Variants in STXBP4 observed in about 807,000 individuals in gnomAD.
The protein encoded by STXBP4 is syntaxin binding protein 4.
Under a neutral mutation model 76.1 loss-of-function variants are expected in STXBP4, and 55 were observed. That is an observed-to-expected ratio of 0.72 (90% CI 0.58 to 0.91). The LOEUF is 0.91. Among genes scored for constraint, STXBP4 ranks in the 40% least tolerant of loss-of-function variants. The pLI is 0.00. For synonymous variants in STXBP4, 201 were observed against 220.2 expected, an observed-to-expected ratio of 0.91 and a Z score of 0.77; for missense variants, 618 against 636.9, an observed-to-expected ratio of 0.97 and a Z score of 0.32.
chr17:54,990,003 A>T (rs1353071752), intron 3 of STXBP4, among the ~76,000 whole-genome samples: 1 of 152,358 alleles, frequency 6.6e-6, no homozygotes, highest in South Asian at 2.1e-4. Flanking sequence ...GAATTCTTCA[A>T]GTAGTCTAAT....
chr17:55,205,226 T>C, the STXBP4 span, among the ~76,000 whole-genome samples: 1 of 151,966 alleles, frequency 6.6e-6, no homozygotes, highest in Non-Finnish European at 1.5e-5. Flanking sequence ...AATAGAGAAA[T>C]AGATCTATAT....
At chr17:55,083,389 CA>C (rs758538028) in intron 16 of STXBP4, among the ~76,000 whole-genome samples, 15 of 152,182 alleles carry the variant, frequency 9.9e-5, no homozygotes, top group Non-Finnish European at 1.6e-4. Flanking sequence ...ACCTACCTAT[CA>C]CATTCCTAGC....
chr17:55,101,447 A>G (rs1360978992), intron 16 of STXBP4, among the ~76,000 whole-genome samples: 1 of 152,182 alleles, frequency 6.6e-6, no homozygotes. Flanking sequence ...TAGAAATACC[A>G]CTATGAATCT....
chr17:55,096,899 A>T (rs1039701985), intron 16 of STXBP4, among the ~76,000 whole-genome samples: 2 of 152,118 alleles, frequency 1.3e-5, no homozygotes, highest in Non-Finnish European at 2.9e-5. Context: ...CCTTGTAATT[A>T]TCTATTTGTA....
chr17:55,081,186 A>T lies in STXBP4; in HGVS notation c.1489+3A>T. 6.9e-7 allele frequency: 1 copy of T among 1,454,474 alleles called. No individual in the cohort carries two copies. Among genetic ancestry groups the T allele is most frequent in the Non-Finnish European group, 9.1e-7 (1 of 1,101,870 alleles). The allele number at this position is 1,454,474 out of a possible 1,614,324, so 90.1% of individuals were successfully genotyped here. On this transcript the variant is annotated splice_donor_region_variant and intron_variant, in intron 16 of 17. Coordinates refer to ENST00000376352, the MANE Select transcript of STXBP4 (RefSeq NM_178509.6). Reference sequence around the variant, plus strand: ...TCGTGCCTTACTTGATATGGATTGTAAGTTTTCTGCATTTTTTCACTTTTT... The same window carrying T: ...TCGTGCCTTACTTGATATGGATTGTTAGTTTTCTGCATTTTTTCACTTTTT...
intron 12 of STXBP4, among the ~76,000 whole-genome samples, chr17:55,065,260 G>A (rs1406487307): frequency 6.6e-6 from 1 of 152,030 alleles, no homozygotes; most frequent in Non-Finnish European, 1.5e-5. Flanking sequence ...TTGCTTACCA[G>A]TTTTCACTGA....
chr17:55,024,688 G>T (rs1375767610), intron 8 of STXBP4, among the ~76,000 whole-genome samples: 1 of 152,138 alleles, frequency 6.6e-6, no homozygotes, highest in East Asian at 1.9e-4. Context: ...AAGAATAAAT[G>T]ATAGGAGACA....
chr17:54,976,563 GTC>G (rs2077477186), intron 1 of STXBP4, among the ~76,000 whole-genome samples: 1 of 152,180 alleles, frequency 6.6e-6, no homozygotes, highest in African/African-American at 2.4e-5. Flanking sequence ...GGGGTACCCA[GTC>G]CTTAGGCTGC....
chr17:54,969,948 G>A (rs1015391021), intron 1 of STXBP4, among the ~76,000 whole-genome samples: 9 of 152,216 alleles, frequency 5.9e-5, no homozygotes, highest in Non-Finnish European at 1.0e-4. Context: ...TAATAACATA[G>A]TATGATTGAC....
intron 12 of STXBP4, among the ~76,000 whole-genome samples, chr17:55,054,701 G>C (rs2078903003): frequency 6.6e-6 from 1 of 151,928 alleles, no homozygotes; most frequent in East Asian, 1.9e-4. Flanking sequence ...GAGGTATTAA[G>C]ATAATACACA....
intron 9 of STXBP4, among the ~76,000 whole-genome samples, chr17:55,032,979 A>G (rs1028359983): frequency 2.0e-5 from 3 of 152,166 alleles, no homozygotes; most frequent in African/African-American, 4.8e-5. Flanking sequence ...GTCACCAGAG[A>G]TTTGGAGAAA....
At chr17:55,023,916 CAAAAA>C (rs61454264) in intron 8 of STXBP4, among the ~76,000 whole-genome samples, 1 of 62,230 alleles carries the variant, frequency 1.6e-5, no homozygotes, top group Admixed American at 2.2e-4. Flanking sequence ...GGCCCTTTTC[CAAAAA>C]AAAAAAAAAA....
At chr17:55,195,227 G>T in the STXBP4 span, among the ~76,000 whole-genome samples, 1 of 152,126 alleles carries the variant, frequency 6.6e-6, no homozygotes, top group Non-Finnish European at 1.5e-5. Context: ...ACGCCTAGAT[G>T]GGACTGGGGA....
downstream of STXBP4, among the ~76,000 whole-genome samples, chr17:55,174,713 A>G (rs769629423): frequency 4.6e-5 from 7 of 152,308 alleles, no homozygotes; most frequent in Non-Finnish European, 7.3e-5. Flanking sequence ...GTTGGCCTAG[A>G]CCACAGAGTG....
chr17:55,108,020 G>A (rs1037209969), intron 16 of STXBP4, among the ~76,000 whole-genome samples: 2 of 152,234 alleles, frequency 1.3e-5, no homozygotes, highest in African/African-American at 4.8e-5. Context: ...TGTGGCCACA[G>A]CAGTCCCTTC....
At position 55,170,298 on chromosome 17, in the gene STXBP4, A is replaced by G. The variant is rs948431774; in HGVS notation, c.*10387A>G. ...GTCTAAATAAAATATGGTATCTAAC[A>G]TGATAGAAAATGTTTACTAATGTTT... On this transcript the variant is annotated 3_prime_UTR_variant, in exon 18 of 18. Transcript: ENST00000376352. The G allele has an allele frequency of 1.3e-5, 2 of 152,236 alleles. No individual in the cohort carries two copies. Among genetic ancestry groups the G allele is most frequent in the African/African-American group, 4.8e-5 (2 of 41,470 alleles). The allele number at this position is 152,236 out of a possible 1,614,324, so 9.4% of individuals were successfully genotyped here.
At chr17:55,120,470 A>T (rs1254176836) in intron 16 of STXBP4, among the ~76,000 whole-genome samples, 1 of 152,238 alleles carries the variant, frequency 6.6e-6, no homozygotes, top group Non-Finnish European at 1.5e-5. Flanking sequence ...CATGATTATT[A>T]TATCTAGCAT....
chr17:55,213,136 A>G, the STXBP4 span, among the ~76,000 whole-genome samples: 1 of 151,910 alleles, frequency 6.6e-6, no homozygotes, highest in East Asian at 1.9e-4. Flanking sequence ...TTGGGAAGAA[A>G]CTGCCCCCCA....
At chr17:55,008,490 CAAA>C (rs2078048147) in intron 8 of STXBP4, among the ~76,000 whole-genome samples, 2 of 151,970 alleles carry the variant, frequency 1.3e-5, no homozygotes, top group South Asian at 4.2e-4. Context: ...ACACCTATAA[CAAA>C]AGACAGATTA....
Sources: gnomAD v4.1 joint callset for allele counts (sites outside exome capture counted in the v4.1 genomes callset) on GRCh38, gnomAD v4.1.1 for gene constraint, MANE v1.5 for transcripts, NCBI Gene and HGNC (gene_info 2026-07-23, HGNC 2026-07-21) for gene names.